TASOR2: variants seen among roughly 807,000 people sequenced by gnomAD.
TASOR2 encodes the protein protein TASOR 2.
TASOR2 carries 84 observed loss-of-function variants against 199.5 expected under a neutral mutation model. The observed-to-expected ratio is 0.42, with a 90% confidence interval of 0.35 to 0.50. The LOEUF is 0.50. Among genes scored for constraint, TASOR2 ranks in the 20% least tolerant of loss-of-function variants. TASOR2 has a pLI of 0.02. For synonymous variants in TASOR2, 1,103 were observed against 1,046.6 expected (o/e 1.05, Z -1.04); for missense variants, 2,796 against 2,835.9 (o/e 0.99, Z 0.32).
At chr10:5,758,824 T>G (rs1440201654) in intron 17 of TASOR2, 63 bp from the exon 19 acceptor site, 2 of 1,212,914 alleles carry the variant, frequency 1.6e-6, no homozygotes, top group East Asian at 2.3e-5. Flanking sequence ...ATCACTGGGC[T>G]TGGCATGAGC....
exon 15 of TASOR2, chr10:5,747,679 G>A: frequency 1.2e-6 from 2 of 1,614,184 alleles, no homozygotes; most frequent in Non-Finnish European, 1.7e-6. Context: ...ATATCAGGCT[G>A]TGACTCCATG....
At chr10:5,725,384 C>G (rs1375578952) in intron 8 of TASOR2, among the ~76,000 whole-genome samples, 1 of 87,114 alleles carries the variant, frequency 1.1e-5, no homozygotes, top group Non-Finnish European at 2.0e-5. Flanking sequence ...GAGCAAGACT[C>G]CATCTCAAAA....
chr10:5,686,524 T>C (rs1163342226), intron 1 of TASOR2, among the ~76,000 whole-genome samples: 2 of 152,274 alleles, frequency 1.3e-5, no homozygotes, highest in African/African-American at 4.8e-5. Context: ...TAAACAGTGC[T>C]TCAGGTGGTC....
intron 16 of TASOR2, 114 bp from the exon 18 acceptor site, chr10:5,757,406 A>G (rs1051967780): frequency 2.8e-6 from 3 of 1,060,198 alleles, no homozygotes; most frequent in Non-Finnish European, 4.1e-6. Flanking sequence ...TCCAGGTTGA[A>G]ATATTTTCAG....
Position 5,717,535 on chromosome 10 carries a change from G to A in TASOR2, c.-191-124G>A, listed in dbSNP as rs754678251. The A allele has an allele frequency of 1.9e-4, 76 of 399,234 alleles. No homozygotes were observed. The Admixed American group carries it at 2.1e-3, about 11-fold the overall frequency. 24.7% of individuals were successfully genotyped at this position (399,234 alleles called of 1,614,324 possible). A position where few individuals can be genotyped will look rare whatever the true frequency, so the allele number is the denominator to read the frequency against. On this transcript the variant is annotated intron_variant, in intron 2 of 20. Coordinates refer to ENST00000328090, the Ensembl canonical transcript of TASOR2. ...CCTCGTTTTTCACTGCTGCTGCCTT[G>A]TTGGAATCCTCCTCTCCTGTCTCAA... is the stretch of plus-strand genomic sequence containing the variant.
rs1456147493 is a variant in TASOR2, at chr10:5,748,855, A to G, written c.5434A>G (p.Arg1812Gly). 5.6e-6 allele frequency: 9 copies of G among 1,614,230 alleles called. No individual in the cohort carries two copies. In the Admixed American group the frequency reaches 1.5e-4, roughly 27 times the overall value. The change falls in exon 15 of 21, where the codon AGA becomes GGA. Residue 1812 changes from arginine (R) to glycine (G), a missense_variant. Transcript: ENST00000328090. The surrounding 1 kb of genome is among the most constrained non-coding windows in gnomAD (Gnocchi z 5.1). ...TGAGGCTGGTTCTGAAACCCTAGGC[A>G]GAGATGGAGAGGTCGGTGTGAATTC...
chr10:5,724,730 T>G lies in TASOR2; in HGVS notation c.351+197T>G, dbSNP rs185670534. 2.1e-3 allele frequency among the ~76,000 whole-genome samples: 322 copies of G among 150,384 alleles called. 1 individual carries two copies. Among genetic ancestry groups the G allele is most frequent in the African/African-American group, 7.5e-3 (308 of 41,220 alleles). ...CTGAAAGGAGTTTCATGTTTAATAT[T>G]TATTTATATATTATTAATGTAATAC... On this transcript the variant is annotated intron_variant, in intron 8 of 20. Coordinates refer to ENST00000328090, the Ensembl canonical transcript of TASOR2.
chr10:5,692,479 C>T (rs1836556404), intron 1 of TASOR2, among the ~76,000 whole-genome samples: 1 of 152,224 alleles, frequency 6.6e-6, no homozygotes, highest in South Asian at 2.1e-4. Flanking sequence ...TCCAAGAACT[C>T]GGGGGCAGTT....
At chr10:5,757,189 C>T (rs998193406) in intron 16 of TASOR2, among the ~76,000 whole-genome samples, 3 of 152,252 alleles carry the variant, frequency 2.0e-5, no homozygotes, top group African/African-American at 7.2e-5. Flanking sequence ...CCAAGGGGAG[C>T]TGGAGACGAA....
chr10:5,733,202 A>G lies in TASOR2; in HGVS notation c.1204+1999A>G, dbSNP rs1336169892. On this transcript the variant is annotated intron_variant, in intron 11 of 20. Transcript: ENST00000328090. ...TGTGTAATACAGTCTGATACCTTCTATTCTGTTTCATTTAAGAGTTCTGGG... is the reference window on the plus strand; with the variant it reads ...TGTGTAATACAGTCTGATACCTTCTGTTCTGTTTCATTTAAGAGTTCTGGG... Among the ~76,000 whole-genome samples, 12 of 152,262 alleles carry G rather than the reference A, an allele frequency of 7.9e-5. No homozygotes were observed. In the South Asian group the frequency reaches 2.1e-3, roughly 26 times the overall value.
chr10:5,699,330 G>T lies in TASOR2; in HGVS notation c.-287-13493G>T, dbSNP rs1564256712. 6.6e-6 allele frequency: 1 copy of T among 152,044 alleles called. No individual in the cohort carries two copies. The highest frequency in any genetic ancestry group is 1.5e-5 in the Non-Finnish European group (1 of 67,984). The allele number at this position is 152,044 out of a possible 1,614,324, so 9.4% of individuals were successfully genotyped here. Reference sequence around the variant, plus strand: ...TTCCTAGGCCTAGGAACCAGTGAGGGGTGAGGAGGATAGCTAAGGGGTAGA... The same window carrying T: ...TTCCTAGGCCTAGGAACCAGTGAGGTGTGAGGAGGATAGCTAAGGGGTAGA... On this transcript the variant is annotated intron_variant, in intron 1 of 20. Coordinates refer to ENST00000328090, the Ensembl canonical transcript of TASOR2. This position sits in a 1 kb window ranked among gnomAD's most constrained non-coding sequence, Gnocchi z 4.1.
chr10:5,696,467 C>T (rs1049295933), intron 1 of TASOR2, among the ~76,000 whole-genome samples: 19 of 152,182 alleles, frequency 1.2e-4, no homozygotes, highest in African/African-American at 4.6e-4. Flanking sequence ...AGCCATCCTC[C>T]CACCTCAGCC....
rs1837558758 is a variant in TASOR2 at position 5,748,633 on chromosome 10, A to G, written c.5212A>G (p.Thr1738Ala). 3.1e-6 allele frequency: 5 copies of G among 1,614,128 alleles called. No individual in the cohort carries two copies. Among genetic ancestry groups the G allele is most frequent in the East Asian group, 2.2e-5 (1 of 44,902 alleles). The change falls in exon 15 of 21, where the codon ACA becomes GCA. Residue 1738 changes from threonine (T) to alanine (A), a missense_variant. Thr to Ala is a moderately conservative substitution (Grantham distance 58). Around this residue, in one of 3 missense-constraint regions of TASOR2, gnomAD observed 1,941 missense variants for 1,924.9 expected, o/e 1.01. Coordinates refer to ENST00000328090, the Ensembl canonical transcript of TASOR2. This position sits in a 1 kb window ranked among gnomAD's most constrained non-coding sequence, Gnocchi z 5.1. ...CATCCACACGCTGCAAGATGTGTCA[A>G]CATGTGAAACAAAGGAGCTATTGAA...
At chr10:5,694,053 T>C (rs1836827253) in intron 1 of TASOR2, among the ~76,000 whole-genome samples, 1 of 149,938 alleles carries the variant, frequency 6.7e-6, no homozygotes, top group Non-Finnish European at 1.5e-5. Context: ...TAGATGTCAC[T>C]AAAGGAACAG....
At position 5,722,465 on chromosome 10, in the gene TASOR2, AAAG is replaced by A. The variant is rs375054283; in HGVS notation, c.147-1209_147-1207del. Among the ~76,000 whole-genome samples, 45 of 152,216 alleles carry A rather than the reference AAAG, an allele frequency of 3.0e-4. No individual in the cohort carries two copies. Among genetic ancestry groups the A allele is most frequent in the African/African-American group, 1.0e-3 (43 of 41,522 alleles). On this transcript the variant is annotated intron_variant, in intron 6 of 20. Coordinates refer to ENST00000328090, the Ensembl canonical transcript of TASOR2. The surrounding 1 kb of genome is among the most constrained non-coding windows in gnomAD (Gnocchi z 4.0). Reference sequence around the variant, plus strand: ...AGTGAAACCTTATCTCAAAAAAAGAAAAGAAAAAATTTCCTGTTTAAAGGAATC... The same window carrying A: ...AGTGAAACCTTATCTCAAAAAAAGAAAAAAAATTTCCTGTTTAAAGGAATC...
At chr10:5,727,073 A>G in exon 10 of TASOR2, 1 of 1,614,142 alleles carries the variant, frequency 6.2e-7, no homozygotes. Flanking sequence ...TTTGGAGGCA[A>G]GCAGATGGGT....
exon 21 of TASOR2, chr10:5,763,053 A>T: frequency 6.2e-7 from 1 of 1,610,794 alleles, no homozygotes; most frequent in Non-Finnish European, 8.5e-7. Flanking sequence ...GCCTGCCTGG[A>T]TATGGATGAT....
chr10:5,685,041 C>G lies in TASOR2; in HGVS notation c.-422C>G, dbSNP rs182579401. On this transcript the variant is annotated 5_prime_UTR_variant, in exon 1 of 21. Coordinates refer to ENST00000328090, the Ensembl canonical transcript of TASOR2. This position sits in a 1 kb window ranked among gnomAD's most constrained non-coding sequence, Gnocchi z 5.4. ...GGGGGGTCCCCGCGGGAGCGCGGAG[C>G]CGGCGACTGGTGCTTCCCACGTGCG... 5.0e-6 allele frequency: 2 copies of G among 397,796 alleles called. No homozygotes were observed. The highest frequency in any genetic ancestry group is 8.9e-6 in the Non-Finnish European group (2 of 225,530). The allele number at this position is 397,796 out of a possible 1,614,324, so 24.6% of individuals were successfully genotyped here.
At chr10:5,700,815 T>TGTTTGC (rs1554754096) in intron 1 of TASOR2, among the ~76,000 whole-genome samples, 14 of 151,864 alleles carry the variant, frequency 9.2e-5, no homozygotes, top group Middle Eastern at 3.4e-3. Context: ...TGTGTGTGTG[T>TGTTTGC]TTGCTTGCTT....
Sources: gnomAD v4.1 joint callset for allele counts (sites outside exome capture counted in the v4.1 genomes callset) on GRCh38, gnomAD v4.1.1 for gene constraint, gnomAD v4.1.1 regional missense constraint, Gnocchi (gnomAD v3.1) non-coding constraint, MANE v1.5 for transcripts, NCBI Gene and HGNC (gene_info 2026-07-23, HGNC 2026-07-21) for gene names.